The following TRPC5 variants were observed in gnomAD, a reference collection of about 807,000 sequenced individuals.
TRPC5 encodes the protein transient receptor potential cation channel subfamily C member 5.
A neutral mutation model predicts 56.5 loss-of-function variants in TRPC5; 9 were observed. The observed-to-expected ratio is 0.16, with a 90% CI of 0.10 to 0.28. TRPC5 has a LOEUF of 0.28. Ranked by LOEUF, TRPC5 falls within the 10% of genes least tolerant of loss-of-function variation. The pLI is 1.00. For missense variants in TRPC5, 469 were observed against 748.9 expected, an observed-to-expected ratio of 0.63 and a Z score of 4.36; for synonymous variants, 282 against 278.5, an observed-to-expected ratio of 1.01 and a Z score of -0.13.
intron 2 of TRPC5, among the ~76,000 whole-genome samples, chrX:111,938,253 C>T (rs1280422662): frequency 3.4e-5 from 3 of 89,282 alleles, no homozygotes; most frequent in Middle Eastern, 5.4e-3. Flanking sequence ...TGGGCTGAGA[C>T]GATGGGGTTT....
chrX:112,051,265 G>A (rs1930204944), intron 1 of TRPC5, among the ~76,000 whole-genome samples: 2 of 112,219 alleles, frequency 1.8e-5, no homozygotes, highest in African/African-American at 6.5e-5. Flanking sequence ...CACCTCTGGG[G>A]CTGACAGTGG....
chrX:111,949,193 T>C (rs1927010150), intron 2 of TRPC5, among the ~76,000 whole-genome samples: 1 of 112,208 alleles, frequency 8.9e-6, no homozygotes, highest in African/African-American at 3.2e-5. Context: ...CAACTCAAGA[T>C]GGATTAAGGA....
At chrX:111,790,501 A>G (rs141403159) in intron 7 of TRPC5, among the ~76,000 whole-genome samples, 2,220 of 111,489 alleles carry the variant, frequency 0.02, 46 homozygotes, top group African/African-American at 0.069. Context: ...TGACACATGT[A>G]TACCTATGTA....
At chrX:112,029,663 ACT>A (rs1929530918) in intron 1 of TRPC5, among the ~76,000 whole-genome samples, 5 of 111,714 alleles carry the variant, frequency 4.5e-5, no homozygotes, top group Admixed American at 2.8e-4. Context: ...TTTGTTATTG[ACT>A]GTCTTTTTGG....
chrX:111,799,229 A>G (rs1460176072), intron 7 of TRPC5, among the ~76,000 whole-genome samples: 1 of 111,412 alleles, frequency 9.0e-6, no homozygotes, highest in African/African-American at 3.3e-5. Context: ...TCAGCCCTGA[A>G]GGAAAAAAAT....
intron 1 of TRPC5, among the ~76,000 whole-genome samples, chrX:112,009,960 C>G (rs945940873): frequency 9.0e-6 from 1 of 111,265 alleles, no homozygotes; most frequent in Non-Finnish European, 1.9e-5. Context: ...CAAACCTGCA[C>G]GTTGTGCACA....
In TRPC5 at chrX:111,847,245, G is replaced by A; in HGVS notation, c.1569C>T (p.Ile523=). 1 of 1,211,270 alleles carries A rather than the reference G, an allele frequency of 8.3e-7. No homozygotes were observed. The highest frequency in any genetic ancestry group is 1.1e-6 in the Non-Finnish European group (1 of 895,486). The part of the protein sequence containing the change: ...MLLDILKFLF[I]YCLVLLAFAN... ...CAAAAGCTAGTAGTACCAGGCAGTAGATAAAGAGGAATTTGAGGATATCAA... is the reference window on the plus strand; with the variant it reads ...CAAAAGCTAGTAGTACCAGGCAGTAAATAAAGAGGAATTTGAGGATATCAA... The change falls in exon 6 of 11, where the codon ATC becomes ATT. Residue 523 remains isoleucine, a synonymous_variant. Coordinates refer to ENST00000262839, the MANE Select transcript of TRPC5 (RefSeq NM_012471.3).
At chrX:111,871,794 T>C (rs1042631515) in intron 3 of TRPC5, among the ~76,000 whole-genome samples, 129 of 111,754 alleles carry the variant, frequency 1.2e-3, no homozygotes, top group African/African-American at 4.0e-3. Flanking sequence ...GGTTTGTTTG[T>C]CCCCACTAAA....
In TRPC5 at chrX:111,769,707, CATT is replaced by C. The variant is rs1569524846; in HGVS notation, c.*6603_*6605del. 8.9e-6 allele frequency among the ~76,000 whole-genome samples: 1 copy of C among 111,914 alleles called. No homozygotes were observed. Among genetic ancestry groups the C allele is most frequent in the Non-Finnish European group, 1.9e-5 (1 of 53,135 alleles). On this transcript the variant is annotated 3_prime_UTR_variant, in exon 11 of 11. Transcript: ENST00000262839. ...TTACAAATCCCACAAGAGACAATCT[CATT>C]ATTTTATAATTGCACCTATCAAAGT... is the stretch of plus-strand genomic sequence containing the variant.
intron 5 of TRPC5, among the ~76,000 whole-genome samples, chrX:111,848,415 A>G (rs939360800): frequency 7.1e-5 from 8 of 112,195 alleles, no homozygotes; most frequent in African/African-American, 2.6e-4. Flanking sequence ...TCCATATGCA[A>G]AAGTCTGTGT....
chrX:112,025,126 A>G (rs774976080), intron 1 of TRPC5, among the ~76,000 whole-genome samples: 1 of 112,041 alleles, frequency 8.9e-6, no homozygotes, highest in Non-Finnish European at 1.9e-5. Flanking sequence ...TTCAGGAAGA[A>G]TGGTCTTTGT....
At position 111,776,856 on chromosome X, in the gene TRPC5, T is replaced by C. The variant is rs762237652; in HGVS notation, c.2379A>G (p.Lys793=). ...NNDGSGGARA[K]SKSVSFNLGC... ...CTAAATTAAAAGAGACACTCTTGGA[T>C]TTGGCCCGAGCCCCACCACTGCCAT... The change falls in exon 11 of 11, where the codon AAA becomes AAG. Residue 793 remains lysine, a synonymous_variant. Transcript: ENST00000262839. The C allele has an allele frequency of 6.6e-6, 8 of 1,209,867 alleles. No homozygotes were observed. In the East Asian group the frequency reaches 2.1e-4, roughly 31 times the overall value.
chrX:112,007,313 T>C (rs1396692973), intron 1 of TRPC5, among the ~76,000 whole-genome samples: 1 of 111,698 alleles, frequency 9.0e-6, no homozygotes, highest in Non-Finnish European at 1.9e-5. Flanking sequence ...TTTAGATGAG[T>C]ATGGATGTTA....
chrX:111,867,930 T>G (rs1489764210), intron 3 of TRPC5, among the ~76,000 whole-genome samples: 2 of 112,409 alleles, frequency 1.8e-5, no homozygotes, highest in Non-Finnish European at 3.7e-5. Context: ...CACAGAACCT[T>G]CTAAGTTTTG....
rs187343071 is a variant in TRPC5, at chrX:111,931,754, C to T, written c.379-18942G>A. Among the ~76,000 whole-genome samples, 3 of 111,472 alleles carry T rather than the reference C, an allele frequency of 2.7e-5. No homozygotes were observed. The East Asian group carries it at 8.4e-4, about 31-fold the overall frequency. ...TAAATCGTACTAAATCCCAGTGCAT[C>T]CGCTTACTAGATGTATGAGCTTGGA... On this transcript the variant is annotated intron_variant, in intron 2 of 10. Transcript: ENST00000262839.
intron 1 of TRPC5, among the ~76,000 whole-genome samples, chrX:111,993,095 CCT>C (rs1330884466): frequency 3.4e-4 from 35 of 101,698 alleles, no homozygotes; most frequent in Non-Finnish European, 5.2e-4. Context: ...TGTTCCATGC[CCT>C]GTGTCCAAGT....
At chrX:112,039,143 G>A (rs1213515700) in intron 1 of TRPC5, among the ~76,000 whole-genome samples, 1 of 111,525 alleles carries the variant, frequency 9.0e-6, no homozygotes, top group African/African-American at 3.3e-5. Flanking sequence ...GAAGGGTCAC[G>A]TTGTACAGTA....
At chrX:111,815,363 T>G (rs1425348168) in intron 7 of TRPC5, among the ~76,000 whole-genome samples, 3 of 111,295 alleles carry the variant, frequency 2.7e-5, no homozygotes, top group Non-Finnish European at 5.7e-5. Context: ...ACAAGCTTCT[T>G]TCGATGATTT....
At position 112,006,682 on chromosome X, in the gene TRPC5, T is replaced by C. The variant is rs142956790; in HGVS notation, c.-21-54241A>G. ...TATATGGGATGTATGGGAAATTAGATGGAGGCCAGGTAACAGAGGGCCTTG... is the reference window on the plus strand; with the variant it reads ...TATATGGGATGTATGGGAAATTAGACGGAGGCCAGGTAACAGAGGGCCTTG... On this transcript the variant is annotated intron_variant, in intron 1 of 10. Coordinates refer to ENST00000262839, the MANE Select transcript of TRPC5 (RefSeq NM_012471.3). Among the ~76,000 whole-genome samples the C allele has an allele frequency of 6.8e-3, 756 of 111,885 alleles. 4 individuals carry two copies. Among genetic ancestry groups the C allele is most frequent in the African/African-American group, 0.023 (721 of 30,792 alleles).
Sources: allele counts gnomAD v4.1 joint callset (sites outside exome capture counted in the v4.1 genomes callset), GRCh38; gene constraint gnomAD v4.1.1; transcripts MANE v1.5; gene names NCBI Gene and HGNC (gene_info 2026-07-23, HGNC 2026-07-21).